The following ULBP1 variants were observed in gnomAD, a reference collection of about 807,000 sequenced individuals.
The protein encoded by ULBP1 is UL16-binding protein 1.
A neutral mutation model predicts 25.3 loss-of-function variants in ULBP1; 28 were observed. The observed-to-expected ratio is 1.10, with a 90% confidence interval of 0.82 to 1.51. The LOEUF is 1.51. ULBP1 is among the 40% of genes most tolerant of loss of function. The pLI, the probability that ULBP1 is intolerant of heterozygous loss-of-function variation, is 0.00. For synonymous variants in ULBP1, 129 were observed against 103.0 expected, an observed-to-expected ratio of 1.25 and a Z score of -1.53; for missense variants, 348 against 290.9, an observed-to-expected ratio of 1.20 and a Z score of -1.43.
intron 3 of ULBP1, 74 bp downstream of exon 3, chr6:149,969,434 T>A (rs1270991627): frequency 1.5e-6 from 2 of 1,336,486 alleles, no homozygotes; most frequent in Admixed American, 1.9e-5. Context: ...TGTGAGTGCG[T>A]GTGTGTGTGT....
Position 149,968,333 on chromosome 6 carries a change from G to T in ULBP1, c.86-274G>T, listed in dbSNP as rs6924337. On this transcript the variant is annotated intron_variant, in intron 1 of 4. Transcript: ENST00000229708. ...ATAGGCCTGGCACCTCCACCACAAG[G>T]TCATGTGCTGACTGATGTCGGCACA... Among the ~76,000 whole-genome samples the T allele has an allele frequency of 3.4e-3, 515 of 152,312 alleles. 1 individual carries two copies. Among genetic ancestry groups the T allele is most frequent in the African/African-American group, 0.012 (479 of 41,566 alleles).
chr6:149,969,548 T>A (rs573591818), intron 3 of ULBP1, among the ~76,000 whole-genome samples, 188 bp downstream of exon 3: 1 of 152,022 alleles, frequency 6.6e-6, no homozygotes, highest in Non-Finnish European at 1.5e-5. Flanking sequence ...CCCTGACTCC[T>A]CTTCCTCACT....
At position 149,969,144 on chromosome 6, in the gene ULBP1, G is replaced by A. The variant is rs1374365465; in HGVS notation, c.409G>A (p.Gly137Arg). ...CEHEAHGHGR[G>R]SWQFLFNGQK... ...GCATGAAGCCCATGGACACGGCAGA[G>A]GATCTTGGCAGTTCCTCTTCAATGG... Residue 137 changes from glycine to arginine, a missense_variant, in exon 3 of 5, where the codon GGA (glycine) becomes AGA (arginine). Physicochemically the swap from Gly to Arg is moderately radical, Grantham distance 125. Transcript: ENST00000229708. The A allele has an allele frequency of 3.7e-6, 6 of 1,614,108 alleles. No individual in the cohort carries two copies. The highest frequency in any genetic ancestry group is 1.3e-5 in the African/African-American group (1 of 74,934).
At chr6:149,967,147 G>A (rs988962483) in intron 1 of ULBP1, among the ~76,000 whole-genome samples, 5 of 152,182 alleles carry the variant, frequency 3.3e-5, no homozygotes, top group African/African-American at 7.2e-5. Flanking sequence ...CATCGAATGG[G>A]TCTATGAACC....
At chr6:149,968,228 T>C (rs1042194799) in intron 1 of ULBP1, among the ~76,000 whole-genome samples, 54 of 152,286 alleles carry the variant, frequency 3.5e-4, no homozygotes, top group Middle Eastern at 3.4e-3. Context: ...CCAGGGCAGC[T>C]CCCACACACT....
In ULBP1 at chr6:149,964,112, C is replaced by A. The variant is rs1199318471; in HGVS notation, c.63C>A (p.Gly21=). The change falls in exon 1 of 5, where the codon GGC becomes GGA. Residue 21 remains glycine (G), a synonymous_variant. Coordinates refer to ENST00000229708, the MANE Select transcript of ULBP1 (RefSeq NM_025218.4). ...TCCCGCTTCTGCACCTGCTGTCTGGCTGGTCCCGGGCAGGATGGGTCGGTG... is the reference window on the plus strand; with the variant it reads ...TCCCGCTTCTGCACCTGCTGTCTGGATGGTCCCGGGCAGGATGGGTCGGTG... The part of the protein sequence containing the change: ...LCLPLLHLLS[G]WSRAGWVDTH... 1 of 1,614,212 alleles carries A rather than the reference C, an allele frequency of 6.2e-7. No homozygotes were observed. The highest frequency in any genetic ancestry group is 1.6e-4 in the Middle Eastern group (1 of 6,062).
chr6:149,966,469 G>T (rs1009149868), intron 1 of ULBP1, among the ~76,000 whole-genome samples: 4 of 152,150 alleles, frequency 2.6e-5, no homozygotes, highest in African/African-American at 9.7e-5. Flanking sequence ...CCCCTCCTTT[G>T]CTGCTGGGTG....
At chr6:149,971,347 CA>C (rs1384785453) in intron 4 of ULBP1, 21 bp from the exon 5 acceptor site, 1 of 985,296 alleles carries the variant, frequency 1.0e-6, no homozygotes, top group Admixed American at 6.2e-5. Flanking sequence ...CCACTTAAAC[CA>C]ATGCTTCATC....
At chr6:149,966,857 C>T (rs1779212763) in intron 1 of ULBP1, among the ~76,000 whole-genome samples, 1 of 152,152 alleles carries the variant, frequency 6.6e-6, no homozygotes, top group Non-Finnish European at 1.5e-5. Flanking sequence ...ACTAGGGGAT[C>T]CTGTTGTGAT....
At position 149,972,611 on chromosome 6, in the gene ULBP1, G is replaced by C. The variant is rs914632511; in HGVS notation, c.*1265G>C. On this transcript the variant is annotated 3_prime_UTR_variant, in exon 5 of 5. Coordinates refer to ENST00000229708, the MANE Select transcript of ULBP1 (RefSeq NM_025218.4). The stretch of plus-strand genomic sequence containing the variant: ...AAAACTATTTGCAAACTCTGCATCT[G>C]ATGAAGGTCCAATATCCAGAATCTA... 7 of 152,222 alleles carry C rather than the reference G, an allele frequency of 4.6e-5. No individual in the cohort carries two copies. The highest frequency in any genetic ancestry group is 1.7e-4 in the African/African-American group (7 of 41,452). 9.4% of individuals were successfully genotyped at this position (152,222 alleles called of 1,614,324 possible).
At position 149,969,471 on chromosome 6, in the gene ULBP1, C is replaced by A. The variant is rs942976236; in HGVS notation, c.625+111C>A. 2.7e-6 allele frequency: 4 copies of A among 1,462,188 alleles called. No individual in the cohort carries two copies. In the African/African-American group the frequency reaches 5.6e-5, roughly 21 times the overall value. The allele number at this position is 1,462,188 out of a possible 1,614,324, so 90.6% of individuals were successfully genotyped here. A position where few individuals can be genotyped will look rare whatever the true frequency, so the allele number is the denominator to read the frequency against. ...TTTGAGTGAGTATGAACATGACCCC[C>A]TCATGGGGGGCTCCTCCTGGGGGTC... On this transcript the variant is annotated intron_variant, in intron 3 of 4. Coordinates refer to ENST00000229708, the MANE Select transcript of ULBP1 (RefSeq NM_025218.4).
intron 3 of ULBP1, 23 bp downstream of exon 3, chr6:149,969,383 G>T: frequency 6.2e-7 from 1 of 1,608,228 alleles, no homozygotes; most frequent in Non-Finnish European, 8.5e-7. Context: ...GGGATAAATG[G>T]AAGCTGTCTC....
Position 149,968,733 on chromosome 6 carries a change from C to G in ULBP1, c.212C>G (p.Ala71Gly). The change falls in exon 2 of 5, where the codon GCC (alanine) becomes GGC (glycine). Residue 71 changes from alanine to glycine, a missense_variant. Physicochemically the swap from Ala to Gly is moderately conservative, Grantham distance 60. Transcript: ENST00000229708. The part of the protein sequence containing the change: ...FLHYDCVNHK[A>G]KAFASLGKKV... ...CACTATGACTGTGTTAACCACAAGG[C>G]CAAAGCCTTTGCTTCTCTGGGGAAG... is the stretch of plus-strand genomic sequence containing the variant. 6.2e-7 allele frequency: 1 copy of G among 1,614,226 alleles called. No individual in the cohort carries two copies. Among genetic ancestry groups the G allele is most frequent in the Non-Finnish European group, 8.5e-7 (1 of 1,180,050 alleles).
In ULBP1 at chr6:149,964,193, G is replaced by A. The variant is rs1007673256; in HGVS notation, c.85+59G>A. 2.0e-5 allele frequency: 32 copies of A among 1,592,764 alleles called. No individual in the cohort carries two copies. In the East Asian group the frequency reaches 4.9e-4, roughly 25 times the overall value. On this transcript the variant is annotated intron_variant, in intron 1 of 4. Coordinates refer to ENST00000229708, the MANE Select transcript of ULBP1 (RefSeq NM_025218.4). The stretch of plus-strand genomic sequence containing the variant: ...GGCCAAACCTGGGAGGTTGTGGACT[G>A]CAGCGGGTTTCAGAGGAGGGGAGGC...
chr6:149,968,558 G>T, intron 1 of ULBP1, 49 bp from the exon 2 acceptor site: 4 of 1,570,076 alleles, frequency 2.5e-6, no homozygotes, highest in South Asian at 2.4e-5. Flanking sequence ...AGGGGATACA[G>T]GTTCCATTTC....
rs1456850233 is a variant in ULBP1 at position 149,972,188 on chromosome 6, A to C, written c.*842A>C. 6.6e-6 allele frequency: 1 copy of C among 152,168 alleles called. No homozygotes were observed. Among genetic ancestry groups the C allele is most frequent in the Non-Finnish European group, 1.5e-5 (1 of 68,026 alleles). 9.4% of individuals were successfully genotyped at this position (152,168 alleles called of 1,614,324 possible). On this transcript the variant is annotated 3_prime_UTR_variant, in exon 5 of 5. Coordinates refer to ENST00000229708, the MANE Select transcript of ULBP1 (RefSeq NM_025218.4). The stretch of plus-strand genomic sequence containing the variant: ...ATTATTTTATTTAGTAAATAAAATA[A>C]TAGAGAGCCCAGAAATCAACCTGCA...
At chr6:149,970,281 T>C in intron 4 of ULBP1, 134 bp downstream of exon 4, 1 of 1,282,010 alleles carries the variant, frequency 7.8e-7, no homozygotes, top group Non-Finnish European at 1.1e-6. Context: ...AGACCTGCTG[T>C]CACCTGTTGG....
chr6:149,964,114 G>T lies in ULBP1; in HGVS notation c.65G>T (p.Trp22Leu), dbSNP rs1248024649. The change falls in exon 1 of 5, where the codon TGG becomes TTG. Residue 22 changes from tryptophan (W) to leucine (L), a missense_variant. Physicochemically the swap from Trp to Leu is moderately conservative, Grantham distance 61 (BLOSUM62 -2). Transcript: ENST00000229708. The part of the protein sequence containing the change: ...CLPLLHLLSG[W>L]SRAGWVDTHC... The stretch of plus-strand genomic sequence containing the variant: ...CCGCTTCTGCACCTGCTGTCTGGCT[G>T]GTCCCGGGCAGGATGGGTCGGTGAG... 6.2e-7 allele frequency: 1 copy of T among 1,614,216 alleles called. No individual in the cohort carries two copies. Among genetic ancestry groups the T allele is most frequent in the Non-Finnish European group, 8.5e-7 (1 of 1,180,034 alleles).
At position 149,968,703 on chromosome 6, in the gene ULBP1, T is replaced by C; in HGVS notation, c.182T>C (p.Phe61Ser). The C allele has an allele frequency of 6.2e-7, 1 of 1,614,250 alleles. No homozygotes were observed. The highest frequency in any genetic ancestry group is 1.3e-5 in the African/African-American group (1 of 75,066). ...EVQGLVDERP[F>S]LHYDCVNHKA... ...CAAGGCCTGGTGGATGAAAGGCCTT[T>C]TCTTCACTATGACTGTGTTAACCAC... The change falls in exon 2 of 5, where the codon TTT (phenylalanine) becomes TCT (serine). Residue 61 changes from phenylalanine (F) to serine (S), a missense_variant. Coordinates refer to ENST00000229708, the MANE Select transcript of ULBP1 (RefSeq NM_025218.4).
Sources: gnomAD v4.1 joint callset for allele counts (sites outside exome capture counted in the v4.1 genomes callset) on GRCh38, gnomAD v4.1.1 for gene constraint, MANE v1.5 for transcripts, NCBI Gene and HGNC (gene_info 2026-07-23, HGNC 2026-07-21) for gene names.